SPECC1L: variants seen among roughly 807,000 people sequenced by gnomAD.
SPECC1L encodes the protein cytospin-A.
A neutral mutation model predicts 116.8 loss-of-function variants in SPECC1L; 40 were observed. The observed-to-expected ratio is 0.34, with a 90% CI of 0.27 to 0.45. SPECC1L has a LOEUF of 0.45. Ranked by LOEUF, SPECC1L falls within the 20% of genes least tolerant of loss-of-function variation. The probability of loss-of-function intolerance (pLI) is 1.00; values close to 1 mark genes in which losing one functional copy is unlikely to be tolerated. For missense variants in SPECC1L, 1,110 were observed against 1,373.6 expected, an observed-to-expected ratio of 0.81 and a Z score of 3.03; for synonymous variants, 504 against 500.6, an observed-to-expected ratio of 1.01 and a Z score of -0.09.
At chr22:24,404,634 C>T (rs752551493) in intron 14 of SPECC1L, among the ~76,000 whole-genome samples, 6 of 152,332 alleles carry the variant, frequency 3.9e-5, no homozygotes, top group Non-Finnish European at 7.4e-5. Flanking sequence ...ATACGGACCT[C>T]TGCAGCCACT....
chr22:24,336,285 A>G (rs1170676289), intron 9 of SPECC1L, among the ~76,000 whole-genome samples: 1 of 151,878 alleles, frequency 6.6e-6, no homozygotes, highest in Non-Finnish European at 1.5e-5. Context: ...ATATATACCT[A>G]TATGTGTGTG....
intron 14 of SPECC1L, among the ~76,000 whole-genome samples, chr22:24,377,204 C>T (rs1569441608): frequency 6.6e-6 from 1 of 152,166 alleles, no homozygotes; most frequent in African/African-American, 2.4e-5. Flanking sequence ...TATGGCCAAA[C>T]AATATTCCAT....
At chr22:24,379,972 C>G (rs12163470) in intron 14 of SPECC1L, among the ~76,000 whole-genome samples, 3,798 of 152,248 alleles carry the variant, frequency 0.025, 154 homozygotes, top group South Asian at 0.12. Context: ...GCATCTCCAT[C>G]TCCTTCTCCT....
In SPECC1L at chr22:24,389,667, A is replaced by G. The variant is rs543671955; in HGVS notation, c.3087+20347A>G. Among the ~76,000 whole-genome samples the G allele has an allele frequency of 3.8e-4, 58 of 152,250 alleles. 3 individuals carry two copies. The South Asian group carries it at 0.012, about 30-fold the overall frequency. ...AAGAAGTACTTACCTTTATTCTCCC[A>G]GAATTGTGTGTCCCCATAGATTGAA... On this transcript the variant is annotated intron_variant, in intron 14 of 16. Coordinates refer to ENST00000314328, the MANE Select transcript of SPECC1L (RefSeq NM_015330.6).
At chr22:24,413,985 G>T (rs1001267960) in intron 16 of SPECC1L, among the ~76,000 whole-genome samples, 1 of 152,142 alleles carries the variant, frequency 6.6e-6, no homozygotes, top group Non-Finnish European at 1.5e-5. Context: ...GTGAGGTGGG[G>T]GTGGGTCCAC....
chr22:24,284,344 G>A (rs748872744), intron 2 of SPECC1L, among the ~76,000 whole-genome samples: 2 of 152,080 alleles, frequency 1.3e-5, no homozygotes, highest in African/African-American at 4.8e-5. Context: ...GTTCATAGAC[G>A]TAGAAGTATG....
intron 11 of SPECC1L, among the ~76,000 whole-genome samples, chr22:24,352,901 G>A (rs370284593): frequency 3.9e-5 from 6 of 152,086 alleles, no homozygotes; most frequent in African/African-American, 9.7e-5. Flanking sequence ...AAGTTGTGCC[G>A]TGAATTATCC....
intron 2 of SPECC1L, among the ~76,000 whole-genome samples, chr22:24,295,806 A>G (rs1192593834): frequency 6.6e-6 from 1 of 152,026 alleles, no homozygotes; most frequent in Non-Finnish European, 1.5e-5. Flanking sequence ...AAATTAGCCA[A>G]GCGTGGTGGC....
chr22:24,280,630 G>A (rs1359569883), intron 2 of SPECC1L, among the ~76,000 whole-genome samples: 3 of 150,680 alleles, frequency 2.0e-5, no homozygotes, highest in Non-Finnish European at 1.5e-5. Flanking sequence ...CAGGCTGGAG[G>A]GCAGCAGTAT....
intron 16 of SPECC1L, among the ~76,000 whole-genome samples, chr22:24,414,153 GAA>G (rs1206627089): frequency 6.6e-6 from 1 of 152,216 alleles, no homozygotes; most frequent in Admixed American, 6.5e-5. Flanking sequence ...CCGACAGAGA[GAA>G]ATTCTCCTAG....
chr22:24,347,701 A>T (rs2041328277), intron 11 of SPECC1L, among the ~76,000 whole-genome samples: 2 of 151,872 alleles, frequency 1.3e-5, no homozygotes, highest in African/African-American at 4.8e-5. Flanking sequence ...TTTAAGCTGG[A>T]GTATCACTCT....
intron 4 of SPECC1L, among the ~76,000 whole-genome samples, chr22:24,319,580 A>C (rs1029556399): frequency 6.6e-6 from 1 of 152,192 alleles, no homozygotes; most frequent in African/African-American, 2.4e-5. Context: ...AGGATCATTT[A>C]TTGACTTAGT....
Position 24,322,111 on chromosome 22 carries a change from A to T in SPECC1L, c.1131A>T (p.Ile377=), listed in dbSNP as rs551676689. 2 of 1,614,126 alleles carry T rather than the reference A, an allele frequency of 1.2e-6. No homozygotes were observed. The highest frequency in any genetic ancestry group is 3.3e-5 in the Admixed American group (2 of 60,022). Residue 377 remains isoleucine (I), a synonymous_variant, in exon 5 of 17, where the codon ATA becomes ATT. Coordinates refer to ENST00000314328, the MANE Select transcript of SPECC1L (RefSeq NM_015330.6). ...CAGAGTCGGAAGGCATCCCCAGCATAGAGCGCTCCCGGAAGGGGAGCAGCG... is the reference window on the plus strand; with the variant it reads ...CAGAGTCGGAAGGCATCCCCAGCATTGAGCGCTCCCGGAAGGGGAGCAGCG... ...SSSESEGIPS[I]ERSRKGSSGN... is the part of the protein sequence containing the mutation.
At chr22:24,273,197 C>G (rs1193700030) in intron 1 of SPECC1L, among the ~76,000 whole-genome samples, 2 of 152,200 alleles carry the variant, frequency 1.3e-5, no homozygotes, top group African/African-American at 4.8e-5. Context: ...ACTGACTTGA[C>G]ACACAGTGCA....
Position 24,337,598 on chromosome 22 carries a change from A to G in SPECC1L, c.2561-788A>G, listed in dbSNP as rs62233127. Among the ~76,000 whole-genome samples, 1,129 of 152,354 alleles carry G rather than the reference A, an allele frequency of 7.4e-3. 6 individuals carry two copies. Among genetic ancestry groups the G allele is most frequent in the South Asian group, 0.012 (60 of 4,828 alleles). ...TGTTTTGTGAATTTTGTCTCAGTAC[A>G]TAAGAATACATCTAAAGATATCAAT... On this transcript the variant is annotated intron_variant, in intron 9 of 16. Transcript: ENST00000314328.
chr22:24,375,031 A>T (rs1018465006), intron 14 of SPECC1L, among the ~76,000 whole-genome samples: 1 of 152,172 alleles, frequency 6.6e-6, no homozygotes, highest in African/African-American at 2.4e-5. Context: ...AATAAAAAGG[A>T]TTAAAATGGA....
In SPECC1L at chr22:24,334,496, G is replaced by A. The variant is rs201496961; in HGVS notation, c.2483G>A (p.Ser828Asn). The A allele has an allele frequency of 1.9e-6, 3 of 1,614,200 alleles. No individual in the cohort carries two copies. The highest frequency in any genetic ancestry group is 1.7e-5 in the Admixed American group (1 of 60,026). ...LAALRQGMGL[S>N]RRSSTSSEPT... is the part of the protein sequence containing the mutation. ...GCCTTAAGGCAGGGAATGGGACTGA[G>A]TAGAAGGTCCTCGACTTCCTCAGAG... Residue 828 changes from serine (S) to asparagine (N), a missense_variant, in exon 9 of 17, where the codon AGT (serine) becomes AAT (asparagine). Physicochemically the swap from Ser to Asn is conservative, Grantham distance 46. Transcript: ENST00000314328.
chr22:24,344,155 A>G lies in SPECC1L; in HGVS notation c.2653-2931A>G, dbSNP rs183983561. 5.0e-3 allele frequency among the ~76,000 whole-genome samples: 757 copies of G among 152,284 alleles called. 4 individuals carry two copies. Among genetic ancestry groups the G allele is most frequent in the Non-Finnish European group, 8.5e-3 (580 of 68,018 alleles). ...AGCAAAACCAGACAAAGACATTGCA[A>G]AAAAAGAAAATGGCTAGCCAGTATT... On this transcript the variant is annotated intron_variant, in intron 10 of 16. Transcript: ENST00000314328.
chr22:24,283,165 T>A (rs988885566), intron 2 of SPECC1L, among the ~76,000 whole-genome samples: 1 of 152,004 alleles, frequency 6.6e-6, no homozygotes, highest in Non-Finnish European at 1.5e-5. Flanking sequence ...TGCAAGCTCC[T>A]CTTCCTGGGT....
Sources: allele counts gnomAD v4.1 joint callset (sites outside exome capture counted in the v4.1 genomes callset), GRCh38; gene constraint gnomAD v4.1.1; transcripts MANE v1.5; gene names NCBI Gene and HGNC (gene_info 2026-07-23, HGNC 2026-07-21).